Variants in KCNIP4 observed in about 807,000 individuals in gnomAD.
KCNIP4 encodes the protein potassium voltage-gated channel interacting protein 4.
A neutral mutation model predicts 34.0 loss-of-function variants in KCNIP4; 12 were observed. The observed-to-expected ratio is 0.35, with a 90% CI of 0.23 to 0.57. The LOEUF is 0.57. Ranked by LOEUF, KCNIP4 falls within the 20% of genes least tolerant of loss-of-function variation. The pLI is 0.83. For synonymous variants in KCNIP4, 124 were observed against 102.2 expected (o/e 1.21, Z -1.29); for missense variants, 238 against 311.7 (o/e 0.76, Z 1.78).
intron 1 of KCNIP4, among the ~76,000 whole-genome samples, chr4:21,016,712 A>G (rs1739579458): frequency 6.6e-6 from 1 of 152,112 alleles, no homozygotes; most frequent in Non-Finnish European, 1.5e-5. Flanking sequence ...TTCTGGGTTC[A>G]AGCAATTCTC....
intron 1 of KCNIP4, among the ~76,000 whole-genome samples, chr4:21,555,201 C>T (rs888769324): frequency 3.9e-5 from 6 of 152,102 alleles, no homozygotes; most frequent in Non-Finnish European, 7.4e-5. Context: ...CTGCATTAAC[C>T]TGTCTGAGGT....
intron 1 of KCNIP4, among the ~76,000 whole-genome samples, chr4:21,761,241 A>G (rs1346946700): frequency 6.6e-6 from 1 of 152,074 alleles, no homozygotes; most frequent in African/African-American, 2.4e-5. Flanking sequence ...AGCTGGTACT[A>G]CAAGACCTAT....
intron 1 of KCNIP4, among the ~76,000 whole-genome samples, chr4:21,933,651 G>A (rs1287447469): frequency 6.6e-6 from 1 of 152,032 alleles, no homozygotes; most frequent in African/African-American, 2.4e-5. Context: ...ACAGCACAAT[G>A]TTTGATGTAT....
chr4:21,157,533 C>T (rs1430536239), intron 1 of KCNIP4, among the ~76,000 whole-genome samples: 2 of 151,612 alleles, frequency 1.3e-5, no homozygotes, highest in East Asian at 1.9e-4. Flanking sequence ...ATAGTGATCT[C>T]GGAGATACCT....
At chr4:21,056,358 C>T (rs1743400360) in intron 1 of KCNIP4, among the ~76,000 whole-genome samples, 1 of 152,164 alleles carries the variant, frequency 6.6e-6, no homozygotes, top group Admixed American at 6.6e-5. Context: ...TACTTCCTTA[C>T]TCTACCAGTC....
In KCNIP4 at chr4:21,866,762, A is replaced by ATTTTTTT. The variant is rs770568451; in HGVS notation, c.61+81802_61+81808dup. Among the ~76,000 whole-genome samples, 123 of 82,702 alleles carry ATTTTTTT rather than the reference A, an allele frequency of 1.5e-3. 1 individual carries two copies. Among genetic ancestry groups the ATTTTTTT allele is most frequent in the East Asian group, 2.8e-3 (7 of 2,460 alleles). The allele number at this position is 82,702 out of a possible 152,430, so 54.3% of individuals were successfully genotyped here. A position where few individuals can be genotyped will look rare whatever the true frequency, so the allele number is the denominator to read the frequency against. ...AAGTGAATTCCATAGTTCAGCCTGG[A>ATTTTTTT]TTTTTTTTTTTTTTTTTTTTTTTTT... On this transcript the variant is annotated intron_variant, in intron 1 of 8. Coordinates refer to ENST00000382152, the MANE Select transcript of KCNIP4 (RefSeq NM_025221.6).
intron 1 of KCNIP4, among the ~76,000 whole-genome samples, chr4:21,408,039 G>C (rs1388490243): frequency 1.3e-5 from 2 of 152,144 alleles, no homozygotes; most frequent in Non-Finnish European, 2.9e-5. Flanking sequence ...TTAGAAAATA[G>C]CTCAAAACAC....
chr4:21,334,458 C>A (rs1490716588), intron 1 of KCNIP4, among the ~76,000 whole-genome samples: 4 of 151,938 alleles, frequency 2.6e-5, no homozygotes, highest in East Asian at 3.9e-4. Flanking sequence ...AGTTAAATAA[C>A]CTTAAGGTCT....
At chr4:21,486,874 G>A (rs541918599) in intron 1 of KCNIP4, among the ~76,000 whole-genome samples, 3 of 150,968 alleles carry the variant, frequency 2.0e-5, no homozygotes, top group Admixed American at 6.6e-5. Context: ...GTGTGATCTC[G>A]GCTCACTGCA....
intron 1 of KCNIP4, among the ~76,000 whole-genome samples, chr4:21,832,309 A>G (rs1723035115): frequency 6.6e-6 from 1 of 152,186 alleles, no homozygotes; most frequent in Non-Finnish European, 1.5e-5. Flanking sequence ...ATCCTTTAGA[A>G]ACAAGAGAAA....
chr4:21,654,929 A>C (rs567615656), intron 1 of KCNIP4, among the ~76,000 whole-genome samples: 2 of 152,080 alleles, frequency 1.3e-5, no homozygotes, highest in African/African-American at 4.8e-5. Context: ...GTCTCAAAAA[A>C]AAAAGGAAAG....
At chr4:21,892,550 T>TAAAAAAAAAAAAAAAAAAAAAAAATAAA (rs35105632) in intron 1 of KCNIP4, among the ~76,000 whole-genome samples, 1 of 126,366 alleles carries the variant, frequency 7.9e-6, no homozygotes, top group Non-Finnish European at 1.6e-5. Flanking sequence ...AGCAAAAAAG[T>TAAAAAAAAAAAAAAAAAAAAAAAATAAA]AAAAAAAAAA....
At chr4:20,745,524 C>T (rs748651949) in intron 5 of KCNIP4, among the ~76,000 whole-genome samples, 1 of 152,160 alleles carries the variant, frequency 6.6e-6, no homozygotes, top group Non-Finnish European at 1.5e-5. Context: ...AAGTGACAAA[C>T]TTAACAACAA....
rs370581135 is a variant in KCNIP4, at chr4:21,529,896, A to G, written c.61+418675T>C. 1.6e-3 allele frequency among the ~76,000 whole-genome samples: 238 copies of G among 152,316 alleles called. 10 individuals are homozygous for G. The South Asian group carries it at 0.042, about 27-fold the overall frequency. ...TGATCATGTTCAGTGAATAGAGAGG[A>G]TTGAACGTTTGATCAATCTAATGAA... is the stretch of plus-strand genomic sequence containing the variant. On this transcript the variant is annotated intron_variant, in intron 1 of 8. Transcript: ENST00000382152.
At position 20,729,954 on chromosome 4, in the gene KCNIP4, ACAAAGCT is replaced by A. The variant is rs1747548765; in HGVS notation, c.*121_*127del. On this transcript the variant is annotated 3_prime_UTR_variant, in exon 9 of 9. Coordinates refer to ENST00000382152, the MANE Select transcript of KCNIP4 (RefSeq NM_025221.6). ...CTTTTGGGGATTGCTTTATATTAAA[ACAAAGCT>A]TGTTTGCATAATATGCTTCAGTGTC... 1 of 1,137,478 alleles carries A rather than the reference ACAAAGCT, an allele frequency of 8.8e-7. No homozygotes were observed. The highest frequency in any genetic ancestry group is 1.6e-5 in the African/African-American group (1 of 62,996). The allele number at this position is 1,137,478 out of a possible 1,614,324, so 70.5% of individuals were successfully genotyped here. A position where few individuals can be genotyped will look rare whatever the true frequency, so the allele number is the denominator to read the frequency against.
At chr4:21,703,006 G>T (rs1712980094) in intron 1 of KCNIP4, among the ~76,000 whole-genome samples, 1 of 150,716 alleles carries the variant, frequency 6.6e-6, no homozygotes, top group Admixed American at 6.6e-5. Flanking sequence ...AAAATCACAT[G>T]ATTATATTCA....
chr4:21,447,463 T>A (rs150713970), intron 1 of KCNIP4, among the ~76,000 whole-genome samples: 6 of 152,290 alleles, frequency 3.9e-5, no homozygotes, highest in African/African-American at 1.4e-4. Flanking sequence ...AAGTATATGC[T>A]AATTTATCAT....
chr4:21,610,820 T>C (rs1744098976), intron 1 of KCNIP4, among the ~76,000 whole-genome samples: 1 of 150,406 alleles, frequency 6.6e-6, no homozygotes, highest in African/African-American at 2.4e-5. Context: ...GAGGCACATC[T>C]TTTTTTTTTT....
At chr4:20,786,639 C>G (rs1021382549) in intron 3 of KCNIP4, among the ~76,000 whole-genome samples, 3 of 152,228 alleles carry the variant, frequency 2.0e-5, no homozygotes, top group African/African-American at 7.2e-5. Context: ...GTCCTGTTCT[C>G]TTACGAAAGT....
Sources: gnomAD v4.1 joint callset for allele counts (sites outside exome capture counted in the v4.1 genomes callset) on GRCh38, gnomAD v4.1.1 for gene constraint, MANE v1.5 for transcripts, NCBI Gene and HGNC (gene_info 2026-07-23, HGNC 2026-07-21) for gene names.